Variants in SLC26A3 observed in about 807,000 individuals in gnomAD.
The protein encoded by SLC26A3 is chloride anion exchanger.
SLC26A3 carries 64 observed loss-of-function variants against 85.6 expected under a neutral mutation model. The ratio of observed to expected loss-of-function variants is 0.75; its 90% CI spans 0.61 to 0.92. The LOEUF is 0.92. Among genes scored for constraint, SLC26A3 ranks in the 40% least tolerant of loss-of-function variants. The pLI is 0.00. For missense variants in SLC26A3, 922 were observed against 927.3 expected (o/e 0.99, Z 0.07); for synonymous variants, 349 against 336.0 (o/e 1.04, Z -0.42).
At chr7:107,771,009 C>A (rs187030779) in intron 18 of SLC26A3, among the ~76,000 whole-genome samples, 1 of 152,102 alleles carries the variant, frequency 6.6e-6, no homozygotes, top group Admixed American at 6.5e-5. Flanking sequence ...TAGGGATGGG[C>A]AAGGATATTA....
At position 107,767,908 on chromosome 7, in the gene SLC26A3, T is replaced by A; in HGVS notation, c.2063A>T (p.Asp688Val). Reference sequence around the variant, plus strand: ...CCGGTTAAGCTTCTCAATGAAGTCATCTGAAGAGAAAAAAACAGTAACTTT... The same window carrying A: ...CCGGTTAAGCTTCTCAATGAAGTCAACTGAAGAGAAAAAAACAGTAACTTT... ...KVDVYIVGTDDDFIEKLNRYE... is the reference protein window; with the variant it reads ...KVDVYIVGTDVDFIEKLNRYE... The change falls in exon 19 of 21, where the codon GAT becomes GTT. Residue 688 changes from aspartate (D) to valine (V), a missense_variant and splice_region_variant. Transcript: ENST00000340010. 1.2e-6 allele frequency: 2 copies of A among 1,613,390 alleles called. No homozygotes were observed. Among genetic ancestry groups the A allele is most frequent in the Non-Finnish European group, 1.7e-6 (2 of 1,179,570 alleles).
chr7:107,790,622 C>T (rs1391683331), intron 5 of SLC26A3, among the ~76,000 whole-genome samples: 3 of 152,080 alleles, frequency 2.0e-5, no homozygotes, highest in African/African-American at 7.2e-5. Flanking sequence ...GTTCAAAGCC[C>T]CCATCCCTTC....
Position 107,765,798 on chromosome 7 carries a change from G to C in SLC26A3, c.*57C>G. On this transcript the variant is annotated 3_prime_UTR_variant, in exon 21 of 21. Coordinates refer to ENST00000340010, the MANE Select transcript of SLC26A3 (RefSeq NM_000111.3). ...TATGAACTTATCAATAACTTTCTGG[G>C]TATAAAGTTGTTTTTATGTCATAGT... is the stretch of plus-strand genomic sequence containing the variant. The C allele has an allele frequency of 8.1e-7, 1 of 1,236,804 alleles. No individual in the cohort carries two copies. 76.6% of individuals were successfully genotyped at this position (1,236,804 alleles called of 1,614,324 possible).
At chr7:107,796,212 G>C (rs1405066610) in intron 1 of SLC26A3, among the ~76,000 whole-genome samples, 1 of 151,746 alleles carries the variant, frequency 6.6e-6, no homozygotes, top group Non-Finnish European at 1.5e-5. Context: ...AGGCTCAAGC[G>C]GTCCTCCTGT....
At chr7:107,786,805 C>G (rs1562879399) in intron 8 of SLC26A3, 22 bp downstream of exon 8, 1 of 1,592,950 alleles carries the variant, frequency 6.3e-7, no homozygotes, top group Non-Finnish European at 8.6e-7. Context: ...CATGGTGATG[C>G]CATCATCGAA....
chr7:107,767,829 A>G lies in SLC26A3; in HGVS notation c.2142T>C (p.His714=). 1.2e-6 allele frequency: 2 copies of G among 1,613,696 alleles called. No homozygotes were observed. Among genetic ancestry groups the G allele is most frequent in the Non-Finnish European group, 1.7e-6 (2 of 1,179,670 alleles). The change falls in exon 19 of 21, where the codon CAT becomes CAC. Residue 714 remains histidine, a synonymous_variant. Coordinates refer to ENST00000340010, the MANE Select transcript of SLC26A3 (RefSeq NM_000111.3). ...TCATCAAAATATGCAAAACAGCATC[A>G]TGGATTGTTAAGAAAAATATTGAGC... The part of the protein sequence containing the change: ...VKSSIFFLTI[H]DAVLHILMKK...
chr7:107,787,405 C>A lies in SLC26A3; in HGVS notation c.840G>T (p.Gln280His). 1 of 1,613,992 alleles carries A rather than the reference C, an allele frequency of 6.2e-7. No homozygotes were observed. The highest frequency in any genetic ancestry group is 8.5e-7 in the Non-Finnish European group (1 of 1,179,962). The change falls in exon 7 of 21, where the codon CAG (glutamine) becomes CAT (histidine). Residue 280 changes from glutamine (Q) to histidine (H), a missense_variant. Gln to His is a conservative substitution (Grantham distance 24, BLOSUM62 0). Coordinates refer to ENST00000340010, the MANE Select transcript of SLC26A3 (RefSeq NM_000111.3). Reference sequence around the variant, plus strand: ...GCACTGGAAGTTTGTCTTTGAAGCGCTGATTTATTTCTTTAACAATGGATA... The same window carrying A: ...GCACTGGAAGTTTGTCTTTGAAGCGATGATTTATTTCTTTAACAATGGATA... ...LVVSIVKEIN[Q>H]RFKDKLPVPI...
chr7:107,785,542 GT>G (rs1172434050), intron 8 of SLC26A3, among the ~76,000 whole-genome samples: 1 of 152,094 alleles, frequency 6.6e-6, no homozygotes, highest in African/African-American at 2.4e-5. Flanking sequence ...ATCCTGTTTG[GT>G]TTTGCAAGTA....
chr7:107,796,485 C>T (rs977249955), intron 1 of SLC26A3, among the ~76,000 whole-genome samples: 4 of 152,094 alleles, frequency 2.6e-5, no homozygotes, highest in Admixed American at 2.0e-4. Flanking sequence ...CTTTTGTTTC[C>T]ATTCCCTCTT....
intron 20 of SLC26A3, among the ~76,000 whole-genome samples, chr7:107,766,394 TGAG>T (rs1352557069): frequency 6.6e-6 from 1 of 152,182 alleles, no homozygotes; most frequent in African/African-American, 2.4e-5. Flanking sequence ...ATACAATTAC[TGAG>T]GAGAGGGTTT....
At chr7:107,775,294 TTTA>T (rs1794092428) in intron 15 of SLC26A3, among the ~76,000 whole-genome samples, 1 of 152,160 alleles carries the variant, frequency 6.6e-6, no homozygotes, top group Non-Finnish European at 1.5e-5. Context: ...TGGTATGTTA[TTTA>T]TTATTGTACA....
intron 4 of SLC26A3, 112 bp from the exon 5 acceptor site, chr7:107,791,347 C>A: frequency 2.5e-6 from 3 of 1,182,048 alleles, no homozygotes; most frequent in Non-Finnish European, 3.8e-6. Context: ...CGTGGTGGCT[C>A]ACGCCTGTAA....
chr7:107,791,046 A>G lies in SLC26A3; in HGVS notation c.570+2T>C, dbSNP rs1411095881. On this transcript the variant is annotated splice_donor_variant, in intron 5 of 20. Coordinates refer to ENST00000340010, the MANE Select transcript of SLC26A3 (RefSeq NM_000111.3). LOFTEE classifies it high-confidence loss of function. ...GGGCAAGTTACATGAGAAGGTGCTC[A>G]CCTGGATGATTCCAGAAAGCACTGT... The G allele has an allele frequency of 6.2e-7, 1 of 1,613,324 alleles. No individual in the cohort carries two copies. The highest frequency in any genetic ancestry group is 8.5e-7 in the Non-Finnish European group (1 of 1,179,960).
chr7:107,790,446 A>G (rs1000518447), intron 5 of SLC26A3, among the ~76,000 whole-genome samples: 3 of 152,238 alleles, frequency 2.0e-5, no homozygotes. Context: ...TCCTTTCTTT[A>G]AGAAATGGTC....
Position 107,774,007 on chromosome 7 carries a change from C to T in SLC26A3, c.1920G>A (p.Glu640=), listed in dbSNP as rs769421879. The T allele has an allele frequency of 1.9e-6, 3 of 1,614,172 alleles. No homozygotes were observed. The highest frequency in any genetic ancestry group is 1.7e-5 in the Admixed American group (1 of 60,026). Residue 640 remains glutamate, a synonymous_variant, in exon 17 of 21, where the codon GAG becomes GAA. Transcript: ENST00000340010. The stretch of plus-strand genomic sequence containing the variant: ...GGCTGTGGAGGCTGATTTTGGGGAC[C>T]TCAATGTTGAGAGGAAGATCATCAT... ...DWNDDLPLNI[E]VPKISLHSLI...
chr7:107,793,265 C>G (rs760075438), intron 3 of SLC26A3, among the ~76,000 whole-genome samples: 1 of 152,164 alleles, frequency 6.6e-6, no homozygotes, highest in Non-Finnish European at 1.5e-5. Flanking sequence ...GAAGCATGCT[C>G]ACACAAATAT....
At chr7:107,773,314 A>G (rs1794056500) in intron 17 of SLC26A3, among the ~76,000 whole-genome samples, 1 of 152,194 alleles carries the variant, frequency 6.6e-6, no homozygotes, top group Admixed American at 6.5e-5. Context: ...GCCCACAAAG[A>G]TTTGAGAACA....
chr7:107,790,908 A>G, intron 5 of SLC26A3, 140 bp downstream of exon 5: 1 of 883,844 alleles, frequency 1.1e-6, no homozygotes, highest in Non-Finnish European at 1.8e-6. Context: ...CCCTTCGTAC[A>G]GTATTTCCTA....
intron 18 of SLC26A3, among the ~76,000 whole-genome samples, chr7:107,768,231 A>T (rs1793948387): frequency 6.6e-6 from 1 of 152,244 alleles, no homozygotes; most frequent in South Asian, 2.1e-4. Context: ...CTTAATGATT[A>T]GAGTATCAAG....
Sources: gnomAD v4.1 joint callset for allele counts (sites outside exome capture counted in the v4.1 genomes callset) on GRCh38, gnomAD v4.1.1 for gene constraint, MANE v1.5 for transcripts, NCBI Gene and HGNC (gene_info 2026-07-23, HGNC 2026-07-21) for gene names.